MAP3K15: variants seen among roughly 807,000 people sequenced by gnomAD.
MAP3K15 encodes MAPK/ERK kinase kinase 15.
Under a neutral mutation model 99.5 loss-of-function variants are expected in MAP3K15, and 124 were observed. That is an observed-to-expected ratio of 1.25 (90% CI 1.08 to 1.45). The LOEUF is 1.45. Ranked by LOEUF, MAP3K15 falls within the 40% of genes most tolerant of loss-of-function variation. The probability of loss-of-function intolerance (pLI) is 0.00; values close to 1 mark genes in which losing one functional copy is unlikely to be tolerated. For synonymous variants in MAP3K15, 494 were observed against 439.6 expected (o/e 1.12, Z -1.55); for missense variants, 1,242 against 1,079.7 (o/e 1.15, Z -2.11).
intron 6 of MAP3K15, among the ~76,000 whole-genome samples, chrX:19,438,027 G>C (rs758813704): frequency 8.9e-6 from 1 of 112,346 alleles, no homozygotes; most frequent in Non-Finnish European, 1.9e-5. Flanking sequence ...CGGGACAAGA[G>C]ATTAGAGTTT....
rs1279964678 is a variant in MAP3K15 at position 19,373,605 on chromosome X, G to A, written c.2864C>T (p.Ser955Phe). 11 of 1,188,189 alleles carry A rather than the reference G, an allele frequency of 9.3e-6. No individual in the cohort carries two copies. The highest frequency in any genetic ancestry group is 4.5e-6 in the Non-Finnish European group (4 of 885,360). The change falls in exon 21 of 29, where the codon TCC becomes TTC. Residue 955 changes from serine to phenylalanine, a missense_variant. Transcript: ENST00000338883. ...AAAGAGTGCGTCAGGCTGGGCGTCG[G>A]AGTCTGGGGAGACAGAGCCGTGCTC... Reference protein sequence around the residue: ...SSEHGSVSPDSDAQPDALFER... With the variant: ...SSEHGSVSPDFDAQPDALFER...
At position 19,449,273 on chromosome X, in the gene MAP3K15, G is replaced by A. The variant is rs917432437; in HGVS notation, c.995+7640C>T. Reference sequence around the variant, plus strand: ...AACTGCCTTCTAGCTGCCAGGGGCCGTGCAGTCATTTGCATATGGCATATC... The same window carrying A: ...AACTGCCTTCTAGCTGCCAGGGGCCATGCAGTCATTTGCATATGGCATATC... On this transcript the variant is annotated intron_variant, in intron 6 of 28. Transcript: ENST00000338883. 8.2e-5 allele frequency among the ~76,000 whole-genome samples: 9 copies of A among 110,105 alleles called. 1 individual carries two copies. The highest frequency in any genetic ancestry group is 2.9e-4 in the Admixed American group (3 of 10,449).
rs1461430611 is a variant in MAP3K15, at chrX:19,373,650, G to T, written c.2819C>A (p.Pro940His). Reference protein sequence around the residue: ...VVLALPTQGEPMATSSSEHGS... With the variant: ...VVLALPTQGEHMATSSSEHGS... Reference sequence around the variant, plus strand: ...GTGCTCGCTGCTGCTGGTGGCCATGGGCTCTCCCTGTGTGGGCAGGGCCAG... The same window carrying T: ...GTGCTCGCTGCTGCTGGTGGCCATGTGCTCTCCCTGTGTGGGCAGGGCCAG... Residue 940 changes from proline (P) to histidine (H), a missense_variant, in exon 21 of 29, where the codon CCC (proline) becomes CAC (histidine). Coordinates refer to ENST00000338883, the MANE Select transcript of MAP3K15 (RefSeq NM_001001671.4). 2.5e-6 allele frequency: 3 copies of T among 1,199,390 alleles called. No homozygotes were observed. In the Admixed American group the frequency reaches 6.7e-5, roughly 27 times the overall value.
intron 16 of MAP3K15, 121 bp downstream of exon 16, chrX:19,394,960 A>T (rs768410095): frequency 1.2e-6 from 1 of 832,487 alleles, no homozygotes; most frequent in African/African-American, 2.1e-5. Context: ...AGTAACTGGG[A>T]CTACAGGCGC....
In MAP3K15 at chrX:19,442,803, A is replaced by G. The variant is rs769621936; in HGVS notation, c.996-11195T>C. Among the ~76,000 whole-genome samples the G allele has an allele frequency of 7.6e-5, 8 of 105,365 alleles. No homozygotes were observed. The East Asian group carries it at 2.3e-3, about 31-fold the overall frequency. 91.5% of individuals were successfully genotyped at this position (105,365 alleles called of 115,157 possible). Reference sequence around the variant, plus strand: ...AGTGACACAATCTCGGCTCACTGCAATCTCCACTTCCCGGGTTCAGTTGAT... The same window carrying G: ...AGTGACACAATCTCGGCTCACTGCAGTCTCCACTTCCCGGGTTCAGTTGAT... On this transcript the variant is annotated intron_variant, in intron 6 of 28. Transcript: ENST00000338883.
chrX:19,454,276 T>C (rs1184125258), intron 6 of MAP3K15, among the ~76,000 whole-genome samples: 1 of 112,086 alleles, frequency 8.9e-6, no homozygotes, highest in Non-Finnish European at 1.9e-5. Context: ...TATTTTGTTT[T>C]GAACCTGGGA....
intron 1 of MAP3K15, among the ~76,000 whole-genome samples, chrX:19,494,466 T>G (rs1313572612): frequency 8.9e-6 from 1 of 112,160 alleles, no homozygotes; most frequent in Non-Finnish European, 1.9e-5. Context: ...TAGTGTTAAA[T>G]AAGAAAGATG....
intron 1 of MAP3K15, among the ~76,000 whole-genome samples, chrX:19,504,553 G>A (rs1300714403): frequency 3.6e-5 from 4 of 111,797 alleles, no homozygotes. Context: ...AGGTGGCAAG[G>A]AAAACTAAAG....
In MAP3K15 at chrX:19,361,346, G is replaced by T. The variant is rs148399187; in HGVS notation, c.3850C>A (p.Arg1284=). The T allele has an allele frequency of 9.2e-6, 11 of 1,201,713 alleles. No individual in the cohort carries two copies. Among genetic ancestry groups the T allele is most frequent in the Non-Finnish European group, 1.2e-5 (11 of 887,441 alleles). Residue 1284 remains arginine, a synonymous_variant, in exon 28 of 29, where the codon CGA becomes AGA. Transcript: ENST00000338883. ...EITKEDLRYL[R]LRGGLLCRLW... ...CTGTTTTGAGGCTCTTACCGTAGTC[G>T]AAGGTATCTTAGATCTTCCTTAGTG...
At chrX:19,505,199 AT>A (rs1256713080) in intron 1 of MAP3K15, among the ~76,000 whole-genome samples, 1 of 105,665 alleles carries the variant, frequency 9.5e-6, no homozygotes, top group Non-Finnish European at 1.9e-5. Flanking sequence ...TCTCATTTCT[AT>A]TTTCTTAGCC....
At chrX:19,481,150 T>A (rs1433488699) in intron 3 of MAP3K15, among the ~76,000 whole-genome samples, 2 of 100,341 alleles carry the variant, frequency 2.0e-5, no homozygotes, top group Non-Finnish European at 3.9e-5. Context: ...TAAACCAGTG[T>A]GGTATTAGCA....
chrX:19,511,431 G>A (rs763161308), intron 1 of MAP3K15, among the ~76,000 whole-genome samples: 5 of 111,692 alleles, frequency 4.5e-5, no homozygotes, highest in African/African-American at 1.6e-4. Flanking sequence ...TCTGACAAAG[G>A]TCTAATATCC....
At chrX:19,497,706 T>C (rs1417626863) in intron 1 of MAP3K15, 2 of 111,397 alleles carry the variant, frequency 1.8e-5, no homozygotes, top group Admixed American at 9.6e-5. Context: ...AGGTATCTTG[T>C]ATGGCTAGAA....
chrX:19,461,667 G>A (rs1191581664), intron 4 of MAP3K15, among the ~76,000 whole-genome samples: 1 of 111,097 alleles, frequency 9.0e-6, no homozygotes, highest in African/African-American at 3.3e-5. Flanking sequence ...GTAGGACACT[G>A]CCAAGCAGTA....
intron 16 of MAP3K15, among the ~76,000 whole-genome samples, chrX:19,394,789 CTTTTTTTTTTTTTTTTTTTTTTTTTTT>C (rs144723219): frequency 0.012 from 208 of 17,522 alleles, 3 homozygotes; most frequent in African/African-American, 0.024. Flanking sequence ...GGGTCTGTTG[CTTTTTTTTTTTTTTTTTTTTTTTTTTT>C]TTTTTTTTTT....
chrX:19,406,389 C>G (rs1245887869), intron 13 of MAP3K15, among the ~76,000 whole-genome samples: 2 of 112,175 alleles, frequency 1.8e-5, no homozygotes, highest in Non-Finnish European at 3.8e-5. Flanking sequence ...CATTCAGCCA[C>G]AAAAAGAAAT....
rs779976257 is a variant in MAP3K15 at position 19,505,080 on chromosome X, G to C, written c.361+9821C>G. 8.2e-5 allele frequency among the ~76,000 whole-genome samples: 9 copies of C among 109,820 alleles called. No individual in the cohort carries two copies. In the South Asian group the frequency reaches 3.5e-3, roughly 43 times the overall value. ...AAATAATAATAAAAATAAAACATTT[G>C]AAAAAGTTACCTAGCCTCCAAAACT... On this transcript the variant is annotated intron_variant, in intron 1 of 28. Coordinates refer to ENST00000338883, the MANE Select transcript of MAP3K15 (RefSeq NM_001001671.4).
intron 2 of MAP3K15, among the ~76,000 whole-genome samples, chrX:19,488,062 C>T (rs748085815): frequency 4.5e-5 from 5 of 111,175 alleles, no homozygotes; most frequent in Non-Finnish European, 9.4e-5. Flanking sequence ...CACTCAAGGC[C>T]GAGAAGCACT....
intron 19 of MAP3K15, among the ~76,000 whole-genome samples, chrX:19,379,719 G>C (rs777294027): frequency 9.0e-6 from 1 of 111,149 alleles, no homozygotes; most frequent in Non-Finnish European, 1.9e-5. Flanking sequence ...TGGGATTACA[G>C]GCGTGAGCCA....
Sources: allele counts gnomAD v4.1 joint callset (sites outside exome capture counted in the v4.1 genomes callset), GRCh38; gene constraint gnomAD v4.1.1; transcripts MANE v1.5; gene names NCBI Gene and HGNC (gene_info 2026-07-23, HGNC 2026-07-21).